The following CABIN1 variants were observed in gnomAD, a reference collection of about 807,000 sequenced individuals.
The protein encoded by CABIN1 is calcineurin binding protein 1.
Under a neutral mutation model 227.7 loss-of-function variants are expected in CABIN1, and 133 were observed. The observed-to-expected ratio is 0.58, with a 90% CI of 0.51 to 0.67. The LOEUF is 0.67. Among genes scored for constraint, CABIN1 ranks in the 30% least tolerant of loss-of-function variants. The pLI is 0.00. For synonymous variants in CABIN1, 1,086 were observed against 1,155.1 expected (o/e 0.94, Z 1.21); for missense variants, 2,408 against 2,852.5 (o/e 0.84, Z 3.55).
intron 29 of CABIN1, among the ~76,000 whole-genome samples, chr22:24,149,744 T>C (rs2045372032): frequency 6.6e-6 from 1 of 152,298 alleles, no homozygotes; most frequent in Middle Eastern, 3.4e-3. Flanking sequence ...TGCATAGGGA[T>C]ATTGAGTCAT....
chr22:24,023,297 T>C (rs2035855511), intron 1 of CABIN1, among the ~76,000 whole-genome samples: 1 of 152,232 alleles, frequency 6.6e-6, no homozygotes, highest in African/African-American at 2.4e-5. Context: ...CATCTATTGG[T>C]GGACACTTGG....
intron 34 of CABIN1, among the ~76,000 whole-genome samples, chr22:24,173,726 C>T (rs1479280329): frequency 1.3e-5 from 2 of 152,072 alleles, no homozygotes; most frequent in African/African-American, 4.8e-5. Flanking sequence ...CCCACCTACT[C>T]GGGAGGCTGA....
chr22:24,148,579 C>T (rs1338109836), intron 29 of CABIN1, among the ~76,000 whole-genome samples: 1 of 152,250 alleles, frequency 6.6e-6, no homozygotes, highest in East Asian at 1.9e-4. Flanking sequence ...CTGCCCTGTC[C>T]TCAGAATTTA....
At chr22:24,137,817 G>A (rs2044511370) in intron 29 of CABIN1, among the ~76,000 whole-genome samples, 1 of 152,252 alleles carries the variant, frequency 6.6e-6, no homozygotes, top group African/African-American at 2.4e-5. Context: ...GTTTATGAAG[G>A]AGCATTTAGG....
intron 6 of CABIN1, among the ~76,000 whole-genome samples, chr22:24,047,011 C>T (rs5751798): frequency 0.29 from 43,614 of 151,912 alleles, 7,915 homozygotes; most frequent in African/African-American, 0.51. Context: ...GATGAGGCCC[C>T]CCCACATTAG....
intron 29 of CABIN1, among the ~76,000 whole-genome samples, chr22:24,146,538 CCAGTAGGAGAGGT>C (rs896983578): frequency 6.6e-6 from 1 of 152,110 alleles, no homozygotes; most frequent in Admixed American, 6.5e-5. Context: ...TGTGTCCTCA[CCAGTAGGAGAGGT>C]CAGTAGGAGG....
chr22:24,036,689 T>C (rs566704802), intron 3 of CABIN1, among the ~76,000 whole-genome samples: 1 of 152,320 alleles, frequency 6.6e-6, no homozygotes, highest in South Asian at 2.1e-4. Flanking sequence ...TTTCCATCCA[T>C]TCATCTCCAT....
intron 29 of CABIN1, among the ~76,000 whole-genome samples, chr22:24,149,921 G>A (rs1443803312): frequency 6.6e-6 from 1 of 152,228 alleles, no homozygotes; most frequent in East Asian, 1.9e-4. Context: ...GCCATGCCTC[G>A]GCTTAGGCCC....
chr22:24,134,320 G>A lies in CABIN1; in HGVS notation c.4651G>A (p.Asp1551Asn), dbSNP rs751935331. ...KTHRNLQWAR[D>N]VLLGSSIPWQ... Reference sequence around the variant, plus strand: ...TCCCCAGAACCTCCAGTGGGCCCGCGACGTGTTGCTAGGCAGCAGTATCCC... The same window carrying A: ...TCCCCAGAACCTCCAGTGGGCCCGCAACGTGTTGCTAGGCAGCAGTATCCC... Residue 1551 changes from aspartate (D) to asparagine (N), a missense_variant, in exon 29 of 37, where the codon GAC becomes AAC. Asp to Asn is a conservative substitution (Grantham distance 23, BLOSUM62 1). Around this residue, in one of 3 missense-constraint regions of CABIN1, gnomAD observed 649 missense variants for 910.3 expected, o/e 0.71. Transcript: ENST00000263119. The A allele has an allele frequency of 3.7e-6, 6 of 1,614,014 alleles. No individual in the cohort carries two copies. Among genetic ancestry groups the A allele is most frequent in the African/African-American group, 1.3e-5 (1 of 75,046 alleles).
chr22:24,019,053 G>T (rs1469428238), intron 1 of CABIN1, among the ~76,000 whole-genome samples: 1 of 147,500 alleles, frequency 6.8e-6, no homozygotes, highest in Non-Finnish European at 1.5e-5. Flanking sequence ...TTCTTTTATG[G>T]TTTGTATATA....
intron 16 of CABIN1, among the ~76,000 whole-genome samples, chr22:24,068,929 G>A (rs2039886386): frequency 6.6e-6 from 1 of 152,244 alleles, no homozygotes; most frequent in Non-Finnish European, 1.5e-5. Flanking sequence ...CAAGAGGAAG[G>A]CTGCTCTGAG....
intron 26 of CABIN1, among the ~76,000 whole-genome samples, chr22:24,108,616 G>T (rs577282332): frequency 1.3e-5 from 2 of 152,330 alleles, no homozygotes; most frequent in East Asian, 3.9e-4. Flanking sequence ...CTGGGCAGTG[G>T]ACATGGCAAA....
At chr22:24,085,599 G>A (rs560218667) in intron 22 of CABIN1, among the ~76,000 whole-genome samples, 1 of 152,082 alleles carries the variant, frequency 6.6e-6, no homozygotes, top group South Asian at 2.1e-4. Context: ...TCTCTTTTTT[G>A]CTCTGATGCA....
At chr22:24,167,461 C>A in intron 32 of CABIN1, 148 bp downstream of exon 32, 1 of 703,728 alleles carries the variant, frequency 1.4e-6, no homozygotes, top group Non-Finnish European at 2.4e-6. Flanking sequence ...TCACTTTCTG[C>A]AATGAGCTTT....
Position 24,150,689 on chromosome 22 carries a change from TGA to T in CABIN1, c.4747-13705_4747-13704del, listed in dbSNP as rs750019152. ...TGAGAAGACCCCAAACCCTGGTGGC[TGA>T]GAGAGTACGTTTTGGCCACAGATAA... On this transcript the variant is annotated intron_variant, in intron 29 of 36. Transcript: ENST00000263119. Among the ~76,000 whole-genome samples the T allele has an allele frequency of 2.0e-4, 31 of 152,198 alleles. 1 individual carries two copies. The highest frequency in any genetic ancestry group is 3.8e-4 in the Non-Finnish European group (26 of 68,036).
intron 29 of CABIN1, among the ~76,000 whole-genome samples, chr22:24,160,927 A>G (rs918872530): frequency 2.0e-5 from 3 of 152,236 alleles, no homozygotes; most frequent in Non-Finnish European, 4.4e-5. Context: ...CCCCCAGGAA[A>G]GTCTTCGTGG....
intron 23 of CABIN1, among the ~76,000 whole-genome samples, chr22:24,090,620 A>G (rs891112318): frequency 2.0e-5 from 3 of 151,128 alleles, no homozygotes; most frequent in Non-Finnish European, 4.4e-5. Context: ...GGGTTTTCAC[A>G]TAAACAAGCA....
At position 24,098,192 on chromosome 22, in the gene CABIN1, G is replaced by A; in HGVS notation, c.4117G>A (p.Asp1373Asn). 1 of 1,614,050 alleles carries A rather than the reference G, an allele frequency of 6.2e-7. No homozygotes were observed. The highest frequency in any genetic ancestry group is 8.5e-7 in the Non-Finnish European group (1 of 1,179,994). The change falls in exon 26 of 37, where the codon GAC becomes AAC. Residue 1373 changes from aspartate (D) to asparagine (N), a missense_variant and splice_region_variant. Physicochemically the swap from Asp to Asn is conservative, Grantham distance 23. Around this residue, in one of 3 missense-constraint regions of CABIN1, gnomAD observed 649 missense variants for 910.3 expected, o/e 0.71. Transcript: ENST00000263119. Reference protein sequence around the residue: ...KKPHQQATPDDRSQDSTAVAL... With the variant: ...KKPHQQATPDNRSQDSTAVAL... ...ACCCCACCAGCAGGCAACGCCGGAC[G>A]GTACAGTCCCTGTTCTCCCTACTGC...
chr22:24,136,727 A>ACACACACACACG (rs2044441492), intron 29 of CABIN1, among the ~76,000 whole-genome samples: 2 of 143,670 alleles, frequency 1.4e-5, no homozygotes, highest in Non-Finnish European at 3.0e-5. Context: ...ACAATACATC[A>ACACACACACACG]CACACACACA....
Sources: allele counts gnomAD v4.1 joint callset (sites outside exome capture counted in the v4.1 genomes callset), GRCh38; gene constraint gnomAD v4.1.1; regional missense constraint gnomAD v4.1.1; transcripts MANE v1.5; gene names NCBI Gene and HGNC (gene_info 2026-07-23, HGNC 2026-07-21).